Variants in XYLT1 observed in about 807,000 individuals in gnomAD.
XYLT1 encodes beta-D-xylosyltransferase 1.
In XYLT1, 36 loss-of-function variants were observed where a neutral mutation model predicts 91.3. The observed-to-expected ratio is 0.39, with a 90% CI of 0.30 to 0.52. The LOEUF (loss-of-function observed/expected upper bound fraction) is 0.52. XYLT1 is among the 20% of genes least tolerant of loss of function. The pLI, the probability that XYLT1 is intolerant of heterozygous loss-of-function variation, is 0.68. For missense variants in XYLT1, 1,242 were observed against 1,284.5 expected (o/e 0.97, Z 0.51); for synonymous variants, 588 against 532.0 (o/e 1.11, Z -1.45).
chr16:17,140,652 CTG>C (rs2030941826), intron 7 of XYLT1, among the ~76,000 whole-genome samples: 1 of 83,202 alleles, frequency 1.2e-5, no homozygotes, highest in Non-Finnish European at 2.0e-5. Flanking sequence ...CAGAGGAAGA[CTG>C]TCTCAAAAAA....
At chr16:17,250,212 C>A (rs2033515468) in intron 3 of XYLT1, 1 of 152,266 alleles carries the variant, frequency 6.6e-6, no homozygotes, top group Admixed American at 6.5e-5. Context: ...GTTCTCTGCT[C>A]TTGTTCACAG....
intron 3 of XYLT1, among the ~76,000 whole-genome samples, chr16:17,246,756 G>T (rs2033441659): frequency 6.6e-6 from 1 of 152,186 alleles, no homozygotes; most frequent in Non-Finnish European, 1.5e-5. Flanking sequence ...GCAGGCAGGG[G>T]CTGGAGATCC....
At chr16:17,135,552 G>A (rs1314777298) in intron 8 of XYLT1, among the ~76,000 whole-genome samples, 5 of 142,116 alleles carry the variant, frequency 3.5e-5, no homozygotes, top group Admixed American at 7.0e-5. Flanking sequence ...CAATAGCTCT[G>A]GAGTGTAGCT....
chr16:17,427,846 G>A (rs1298851182), intron 1 of XYLT1, among the ~76,000 whole-genome samples: 6 of 149,876 alleles, frequency 4.0e-5, no homozygotes, highest in African/African-American at 1.2e-4. Flanking sequence ...TTTTTAAAAC[G>A]TTCACCTGTC....
chr16:17,372,362 C>T (rs2035546490), intron 1 of XYLT1, among the ~76,000 whole-genome samples: 1 of 152,190 alleles, frequency 6.6e-6, no homozygotes, highest in Non-Finnish European at 1.5e-5. Context: ...AAAATTAAGG[C>T]TAATTAAGAC....
In XYLT1 at chr16:17,237,225, C is replaced by CATT. The variant is rs760867901; in HGVS notation, c.913+21760_913+21762dup. Among the ~76,000 whole-genome samples the CATT allele has an allele frequency of 2.2e-3, 332 of 152,280 alleles. 2 individuals are homozygous for CATT. The highest frequency in any genetic ancestry group is 2.7e-3 in the Non-Finnish European group (184 of 68,008). Reference sequence around the variant, plus strand: ...ATTCAACTTACAATCCCAATTATTACATTATTATTATTTGAAGGGCTCCAG... The same window carrying CATT: ...ATTCAACTTACAATCCCAATTATTACATTATTATTATTATTTGAAGGGCTCCAG... On this transcript the variant is annotated intron_variant, in intron 3 of 11. Transcript: ENST00000261381.
intron 5 of XYLT1, among the ~76,000 whole-genome samples, chr16:17,168,303 A>G (rs2141553572): frequency 6.6e-6 from 1 of 152,354 alleles, no homozygotes; most frequent in East Asian, 1.9e-4. Context: ...ATATGGATGC[A>G]GATGGAGGCC....
chr16:17,461,938 T>G (rs2141960460), intron 1 of XYLT1, among the ~76,000 whole-genome samples: 1 of 152,338 alleles, frequency 6.6e-6, no homozygotes, highest in Non-Finnish European at 1.5e-5. Context: ...AAAGCATGTC[T>G]TTTTAGTCCT....
chr16:17,359,536 C>G (rs1209592937), intron 1 of XYLT1, among the ~76,000 whole-genome samples: 1 of 152,202 alleles, frequency 6.6e-6, no homozygotes, highest in African/African-American at 2.4e-5. Flanking sequence ...TCCCCCAACT[C>G]CAATTCTGAG....
At chr16:17,160,152 T>A (rs1269257902) in intron 5 of XYLT1, among the ~76,000 whole-genome samples, 8 of 152,200 alleles carry the variant, frequency 5.3e-5, no homozygotes, top group Non-Finnish European at 1.2e-4. Flanking sequence ...GTCAGCTGTG[T>A]GTCCAAGGAT....
chr16:17,149,504 A>G (rs932726669), intron 6 of XYLT1, among the ~76,000 whole-genome samples: 1 of 152,172 alleles, frequency 6.6e-6, no homozygotes, highest in African/African-American at 2.4e-5. Flanking sequence ...TTGAATCTAG[A>G]TTACTCCTTC....
chr16:17,154,404 C>T (rs538532955), intron 6 of XYLT1, among the ~76,000 whole-genome samples: 11 of 152,136 alleles, frequency 7.2e-5, no homozygotes, highest in African/African-American at 1.4e-4. Context: ...AGAAAAACTC[C>T]GATTTTCACT....
chr16:17,153,884 C>G (rs887495666), intron 6 of XYLT1, among the ~76,000 whole-genome samples: 1 of 152,138 alleles, frequency 6.6e-6, no homozygotes, highest in Non-Finnish European at 1.5e-5. Flanking sequence ...CTGCACACCT[C>G]GAGAGCGTAA....
At chr16:17,142,817 G>A (rs953795187) in intron 6 of XYLT1, among the ~76,000 whole-genome samples, 2 of 152,040 alleles carry the variant, frequency 1.3e-5, no homozygotes, top group African/African-American at 4.8e-5. Flanking sequence ...TAATGTGACA[G>A]GAAAATAGAT....
At chr16:17,112,935 G>T (rs879381695) in intron 11 of XYLT1, among the ~76,000 whole-genome samples, 5 of 152,118 alleles carry the variant, frequency 3.3e-5, no homozygotes, top group Non-Finnish European at 7.4e-5. Context: ...CACCTCCTGG[G>T]TTCAAGCAAT....
intron 3 of XYLT1, among the ~76,000 whole-genome samples, chr16:17,236,710 T>C (rs1225774517): frequency 1.3e-5 from 2 of 152,178 alleles, no homozygotes; most frequent in African/African-American, 4.8e-5. Flanking sequence ...TCCTAGGGAA[T>C]TGCCGGTAAT....
chr16:17,139,497 T>C (rs774692121), intron 7 of XYLT1, among the ~76,000 whole-genome samples: 5 of 152,064 alleles, frequency 3.3e-5, no homozygotes, highest in Non-Finnish European at 7.4e-5. Flanking sequence ...GGCGTCTTGA[T>C]TAAAAATAGC....
chr16:17,261,040 C>A (rs760621924), intron 2 of XYLT1, among the ~76,000 whole-genome samples: 74 of 152,182 alleles, frequency 4.9e-4, no homozygotes, highest in African/African-American at 1.7e-3. Flanking sequence ...TTGAGACCAG[C>A]CTGGTCAACA....
intron 1 of XYLT1, among the ~76,000 whole-genome samples, chr16:17,407,422 C>T (rs185617862): frequency 1.3e-3 from 197 of 152,258 alleles, no homozygotes; most frequent in Non-Finnish European, 1.9e-3. Flanking sequence ...CAGTGACATA[C>T]GCTTGGTTAG....
Sources: allele counts gnomAD v4.1 joint callset (sites outside exome capture counted in the v4.1 genomes callset), GRCh38; gene constraint gnomAD v4.1.1; transcripts MANE v1.5; gene names NCBI Gene and HGNC (gene_info 2026-07-23, HGNC 2026-07-21).